PCDHGC4: variants seen among roughly 807,000 people sequenced by gnomAD.
PCDHGC4 encodes the protein protocadherin gamma subfamily C, 4, also known as protocadherin gamma-C4.
In PCDHGC4, 15 loss-of-function variants were observed where a neutral mutation model predicts 59.7. That is an observed-to-expected ratio of 0.25 (90% confidence interval 0.17 to 0.39). The LOEUF (loss-of-function observed/expected upper bound fraction) is 0.39, where lower values mean the gene tolerates loss of function less well. Ranked by LOEUF, PCDHGC4 falls within the 10% of genes least tolerant of loss-of-function variation. The probability of loss-of-function intolerance (pLI) is 1.00; values close to 1 mark genes in which losing one functional copy is unlikely to be tolerated. For synonymous variants in PCDHGC4, 434 were observed against 481.4 expected (o/e 0.90, Z 1.29); for missense variants, 1,016 against 1,189.5 (o/e 0.85, Z 2.15).
chr5:141,506,435 G>A (rs1470687416), intron 3 of PCDHGC4, among the ~76,000 whole-genome samples: 7 of 126,234 alleles, frequency 5.5e-5, no homozygotes, highest in African/African-American at 2.0e-4. Context: ...CAACAGTCTC[G>A]CTCTGTCTCA....
At chr5:141,497,818 G>T (rs2099779657) in intron 2 of PCDHGC4, among the ~76,000 whole-genome samples, 1 of 152,194 alleles carries the variant, frequency 6.6e-6, no homozygotes, top group African/African-American at 2.4e-5. Context: ...AGAATTACAG[G>T]TGTGATCGCC....
Position 141,489,524 on chromosome 5 carries a change from T to TA in PCDHGC4, c.2442+1910dup. Reference sequence around the variant, plus strand: ...AATCAAAAGATTGACCGAGAAAGCCTATGTGGAGCCAGCACCAGCTGCCTG... The same window carrying TA: ...AATCAAAAGATTGACCGAGAAAGCCTAATGTGGAGCCAGCACCAGCTGCCTG... On this transcript the variant is annotated intron_variant, in intron 1 of 3. Transcript: ENST00000306593. This position sits in a 1 kb window ranked among gnomAD's most constrained non-coding sequence, Gnocchi z 4.5. 6.2e-7 allele frequency: 1 copy of TA among 1,614,076 alleles called. No homozygotes were observed. Among genetic ancestry groups the TA allele is most frequent in the Non-Finnish European group, 8.5e-7 (1 of 1,180,010 alleles).
At chr5:141,509,117 G>A (rs1271574654) in intron 3 of PCDHGC4, among the ~76,000 whole-genome samples, 1 of 152,150 alleles carries the variant, frequency 6.6e-6, no homozygotes, top group Admixed American at 6.5e-5. Flanking sequence ...GCGCTGGTGC[G>A]TGAAGAGAAA....
chr5:141,506,444 CAAAAAAAAAAAAA>C (rs1219684339), intron 3 of PCDHGC4, among the ~76,000 whole-genome samples: 1 of 95,030 alleles, frequency 1.1e-5, no homozygotes, highest in Non-Finnish European at 2.2e-5. Context: ...CGCTCTGTCT[CAAAAAAAAAAAAA>C]AAAAAAAAGA....
intron 2 of PCDHGC4, among the ~76,000 whole-genome samples, chr5:141,495,936 T>C (rs1329369782): frequency 6.6e-6 from 1 of 152,206 alleles, no homozygotes; most frequent in Non-Finnish European, 1.5e-5. Flanking sequence ...GTCTCTGGTC[T>C]CTGTGCCTGT....
At chr5:141,499,271 T>C (rs2099790752) in intron 2 of PCDHGC4, among the ~76,000 whole-genome samples, 1 of 152,180 alleles carries the variant, frequency 6.6e-6, no homozygotes, top group South Asian at 2.1e-4. Context: ...GTCCCTAGAC[T>C]GTTCTCTGAT....
chr5:141,491,071 C>T lies in PCDHGC4; in HGVS notation c.2442+3456C>T, dbSNP rs987564933. 1 of 1,614,152 alleles carries T rather than the reference C, an allele frequency of 6.2e-7. No individual in the cohort carries two copies. Among genetic ancestry groups the T allele is most frequent in the Non-Finnish European group, 8.5e-7 (1 of 1,180,028 alleles). ...TGCGTGGCTCTCCTACTCACTGTTGCCACAGTCCACAGCCCCAGGACTGTT... is the reference window on the plus strand; with the variant it reads ...TGCGTGGCTCTCCTACTCACTGTTGTCACAGTCCACAGCCCCAGGACTGTT... On this transcript the variant is annotated intron_variant, in intron 1 of 3. Transcript: ENST00000306593. This position sits in a 1 kb window ranked among gnomAD's most constrained non-coding sequence, Gnocchi z 6.9.
In PCDHGC4 at chr5:141,487,102, G is replaced by C; in HGVS notation, c.1929G>C (p.Leu643=). The C allele has an allele frequency of 6.2e-7, 1 of 1,613,900 alleles. No homozygotes were observed. Among genetic ancestry groups the C allele is most frequent in the Non-Finnish European group, 8.5e-7 (1 of 1,179,818 alleles). ...CAGCTGACCTCCCACCACAGAAGCTGGTCATTGTGGTAAAGGATAGTGGTA... is the reference window on the plus strand; with the variant it reads ...CAGCTGACCTCCCACCACAGAAGCTCGTCATTGTGGTAAAGGATAGTGGTA... ...PIPADLPPQK[L]VIVVKDSGSP... Residue 643 remains leucine, a synonymous_variant, in exon 1 of 4, where the codon CTG becomes CTC. Transcript: ENST00000306593. This position sits in a 1 kb window ranked among gnomAD's most constrained non-coding sequence, Gnocchi z 5.0.
intron 3 of PCDHGC4, among the ~76,000 whole-genome samples, chr5:141,509,345 G>A (rs1203328830): frequency 6.6e-6 from 1 of 152,196 alleles, no homozygotes; most frequent in Non-Finnish European, 1.5e-5. Flanking sequence ...GGCCTGGGCT[G>A]GCCTGGGCAT....
rs1031996605 is a variant in PCDHGC4, at chr5:141,487,055, G to C, written c.1882G>C (p.Val628Leu). ...TGCAGTCTCTCGATATGCTGGGGAG[G>C]TGCGGACGGCTGTTCCTATCCCAGC... is the stretch of plus-strand genomic sequence containing the variant. ...LFAVSRYAGE[V>L]RTAVPIPADL... Residue 628 changes from valine to leucine, a missense_variant, in exon 1 of 4, where the codon GTG becomes CTG. Val to Leu is a conservative substitution (Grantham distance 32, BLOSUM62 1). Transcript: ENST00000306593. The surrounding 1 kb of genome is among the most constrained non-coding windows in gnomAD (Gnocchi z 5.0). The C allele has an allele frequency of 6.2e-7, 1 of 1,614,186 alleles. No individual in the cohort carries two copies. The highest frequency in any genetic ancestry group is 8.5e-7 in the Non-Finnish European group (1 of 1,180,038).
In PCDHGC4 at chr5:141,489,984, T is replaced by C; in HGVS notation, c.2442+2369T>C. The C allele has an allele frequency of 1.2e-6, 2 of 1,614,212 alleles. No homozygotes were observed. Among genetic ancestry groups the C allele is most frequent in the South Asian group, 1.1e-5 (1 of 91,090 alleles). ...CAACCTTCCAATCCTCAGTTCTACG[T>C]GTGGGAATCCCAGAGAATGCACCCA... On this transcript the variant is annotated intron_variant, in intron 1 of 3. Transcript: ENST00000306593. The surrounding 1 kb of genome is among the most constrained non-coding windows in gnomAD (Gnocchi z 4.5).
intron 2 of PCDHGC4, among the ~76,000 whole-genome samples, chr5:141,501,838 G>A (rs888418141): frequency 6.6e-6 from 1 of 152,000 alleles, no homozygotes; most frequent in African/African-American, 2.4e-5. Flanking sequence ...CACCTGTTTG[G>A]CCCTCAACCT....
At position 141,490,819 on chromosome 5, in the gene PCDHGC4, C is replaced by T; in HGVS notation, c.2442+3204C>T. Reference sequence around the variant, plus strand: ...CCAGCGTACCTTTGACTATGAATTGCTGCAGATGCTGCAGATTGTGGTGGG... The same window carrying T: ...CCAGCGTACCTTTGACTATGAATTGTTGCAGATGCTGCAGATTGTGGTGGG... On this transcript the variant is annotated intron_variant, in intron 1 of 3. Transcript: ENST00000306593. This position sits in a 1 kb window ranked among gnomAD's most constrained non-coding sequence, Gnocchi z 5.4. 2 of 1,613,842 alleles carry T rather than the reference C, an allele frequency of 1.2e-6. No individual in the cohort carries two copies. Among genetic ancestry groups the T allele is most frequent in the Non-Finnish European group, 8.5e-7 (1 of 1,179,804 alleles).
intron 3 of PCDHGC4, among the ~76,000 whole-genome samples, chr5:141,508,930 T>A (rs2099873149): frequency 6.6e-6 from 1 of 151,836 alleles, no homozygotes; most frequent in African/African-American, 2.4e-5. Context: ...CTTTTGGAGT[T>A]AATTAGGGAA....
Position 141,486,639 on chromosome 5 carries a change from T to G in PCDHGC4, c.1466T>G (p.Leu489Arg), listed in dbSNP as rs1250700423. ...ASDPDSGLNA[L>R]ISYSLLEPRN... ...GACCCAGACTCTGGCTTGAATGCGC[T>G]TATCTCCTACTCACTCCTGGAGCCC... The change falls in exon 1 of 4, where the codon CTT (leucine) becomes CGT (arginine). Residue 489 changes from leucine (L) to arginine (R), a missense_variant. Transcript: ENST00000306593. The surrounding 1 kb of genome is among the most constrained non-coding windows in gnomAD (Gnocchi z 5.0). The G allele has an allele frequency of 6.2e-7, 1 of 1,613,818 alleles. No individual in the cohort carries two copies. The highest frequency in any genetic ancestry group is 1.1e-5 in the South Asian group (1 of 91,084).
Position 141,490,350 on chromosome 5 carries a change from G to T in PCDHGC4, c.2442+2735G>T. On this transcript the variant is annotated intron_variant, in intron 1 of 3. Transcript: ENST00000306593. This position sits in a 1 kb window ranked among gnomAD's most constrained non-coding sequence, Gnocchi z 5.4. Reference sequence around the variant, plus strand: ...GCACACCAGTGGGCACAGTAGTGGGGTTGTTTAATGTGCGAGACCGGGACT... The same window carrying T: ...GCACACCAGTGGGCACAGTAGTGGGTTTGTTTAATGTGCGAGACCGGGACT... 2 of 1,614,204 alleles carry T rather than the reference G, an allele frequency of 1.2e-6. No homozygotes were observed. The highest frequency in any genetic ancestry group is 1.7e-6 in the Non-Finnish European group (2 of 1,180,034).
rs1460703461 is a variant in PCDHGC4 at position 141,490,596 on chromosome 5, C to G, written c.2442+2981C>G. 2.5e-6 allele frequency: 4 copies of G among 1,614,052 alleles called. No homozygotes were observed. The African/African-American group carries it at 4.0e-5, about 16-fold the overall frequency. On this transcript the variant is annotated intron_variant, in intron 1 of 3. Transcript: ENST00000306593. The surrounding 1 kb of genome is among the most constrained non-coding windows in gnomAD (Gnocchi z 5.4). Reference sequence around the variant, plus strand: ...TTTCAGATGTCAATGACAATGCACCCCGCTTCAACCAGCAGCTTTACACTG... The same window carrying G: ...TTTCAGATGTCAATGACAATGCACCGCGCTTCAACCAGCAGCTTTACACTG...
intron 2 of PCDHGC4, among the ~76,000 whole-genome samples, chr5:141,504,579 G>T (rs994771989): frequency 2.0e-5 from 3 of 149,174 alleles, no homozygotes; most frequent in Non-Finnish European, 4.4e-5. Context: ...AACACCATCT[G>T]CCCAGGATTC....
At chr5:141,500,252 A>G (rs2099798400) in intron 2 of PCDHGC4, among the ~76,000 whole-genome samples, 1 of 151,094 alleles carries the variant, frequency 6.6e-6, no homozygotes, top group East Asian at 1.9e-4. Flanking sequence ...TCTGTCACCC[A>G]GGCTGGACTG....
Sources: allele counts gnomAD v4.1 joint callset (sites outside exome capture counted in the v4.1 genomes callset), GRCh38; gene constraint gnomAD v4.1.1; non-coding constraint Gnocchi (gnomAD v3.1); transcripts MANE v1.5; gene names NCBI Gene and HGNC (gene_info 2026-07-23, HGNC 2026-07-21).